CNTNAP2: variants seen among roughly 807,000 people sequenced by gnomAD.
The protein encoded by CNTNAP2 is contactin-associated protein-like 2.
Under a neutral mutation model 155.2 loss-of-function variants are expected in CNTNAP2, and 98 were observed. The ratio of observed to expected loss-of-function variants is 0.63; its 90% CI spans 0.54 to 0.75. The LOEUF is 0.75. Ranked by LOEUF, CNTNAP2 falls within the 30% of genes least tolerant of loss-of-function variation. CNTNAP2 has a pLI of 0.00. For missense variants in CNTNAP2, 1,727 were observed against 1,688.1 expected (o/e 1.02, Z -0.40); for synonymous variants, 651 against 631.2 (o/e 1.03, Z -0.47).
intron 10 of CNTNAP2, among the ~76,000 whole-genome samples, chr7:147,454,385 G>A (rs1044423173): frequency 2.0e-5 from 3 of 152,042 alleles, no homozygotes; most frequent in African/African-American, 7.2e-5. Context: ...ATTCATACAA[G>A]ACTTTGCTCT....
chr7:147,775,892 G>A (rs1797576626), intron 13 of CNTNAP2, among the ~76,000 whole-genome samples: 1 of 152,144 alleles, frequency 6.6e-6, no homozygotes, highest in South Asian at 2.1e-4. Context: ...TGACTTAGGG[G>A]AATAAGAAGC....
At chr7:146,959,713 C>CAAAA (rs1176908836) in intron 3 of CNTNAP2, among the ~76,000 whole-genome samples, 29 of 90,168 alleles carry the variant, frequency 3.2e-4, no homozygotes, top group East Asian at 9.4e-4. Flanking sequence ...CAGCGAGTCT[C>CAAAA]AAAAAAAAAA....
chr7:146,734,384 T>A (rs896098651), intron 1 of CNTNAP2, among the ~76,000 whole-genome samples: 2 of 152,088 alleles, frequency 1.3e-5, no homozygotes, highest in Non-Finnish European at 2.9e-5. Flanking sequence ...ATGCACAGAA[T>A]TTAGTATAAA....
chr7:147,162,116 C>A (rs1266644939), intron 8 of CNTNAP2: 1 of 152,096 alleles, frequency 6.6e-6, no homozygotes, highest in Non-Finnish European at 1.5e-5. Context: ...TTTGCACACT[C>A]ACAAATATTC....
At chr7:146,301,069 A>G (rs1405563141) in intron 1 of CNTNAP2, among the ~76,000 whole-genome samples, 1 of 152,114 alleles carries the variant, frequency 6.6e-6, no homozygotes, top group Non-Finnish European at 1.5e-5. Flanking sequence ...AAGAGACCAT[A>G]CTTCAGTGGA....
intron 13 of CNTNAP2, among the ~76,000 whole-genome samples, chr7:147,852,103 G>A (rs1022062061): frequency 6.6e-6 from 1 of 152,158 alleles, no homozygotes; most frequent in Non-Finnish European, 1.5e-5. Flanking sequence ...ACTCCAGTGT[G>A]AAGAGAGGTA....
At chr7:146,666,032 T>A (rs13227236) in intron 1 of CNTNAP2, among the ~76,000 whole-genome samples, 1 of 151,650 alleles carries the variant, frequency 6.6e-6, no homozygotes, top group African/African-American at 2.4e-5. Context: ...TTTGAAACTA[T>A]AAAGTATATG....
chr7:146,878,591 C>T (rs532080845), intron 3 of CNTNAP2, among the ~76,000 whole-genome samples: 61 of 152,212 alleles, frequency 4.0e-4, no homozygotes, highest in African/African-American at 1.4e-3. Flanking sequence ...ACTAGTTTAA[C>T]TTCACTCTCT....
intron 4 of CNTNAP2, among the ~76,000 whole-genome samples, chr7:147,076,316 A>C (rs1025799764): frequency 6.6e-6 from 1 of 152,052 alleles, no homozygotes; most frequent in East Asian, 1.9e-4. Context: ...TTGTTAATGA[A>C]CACCATTCTA....
rs1798915277 is a variant in CNTNAP2 at position 147,506,840 on chromosome 7, T to C, written c.1777+20799T>C. Among the ~76,000 whole-genome samples, 3 of 152,140 alleles carry C rather than the reference T, an allele frequency of 2.0e-5. No homozygotes were observed. The South Asian group carries it at 6.2e-4, about 31-fold the overall frequency. ...TGCTCTCTTTACGTCTCCAAATTAC[T>C]CAGCTGTTTCTTCCTTCCTGTGATA... On this transcript the variant is annotated intron_variant, in intron 11 of 23. Transcript: ENST00000361727.
chr7:148,308,859 G>A (rs1563035604), intron 21 of CNTNAP2, among the ~76,000 whole-genome samples: 1 of 151,936 alleles, frequency 6.6e-6, no homozygotes, highest in Non-Finnish European at 1.5e-5. Context: ...AGTTTGCTGA[G>A]AATGATGGTT....
At chr7:146,919,244 G>T (rs374696204) in intron 3 of CNTNAP2, among the ~76,000 whole-genome samples, 1 of 152,088 alleles carries the variant, frequency 6.6e-6, no homozygotes, top group Non-Finnish European at 1.5e-5. Context: ...ATCGTTTGAG[G>T]GTGTTAAAGA....
chr7:146,409,766 C>G (rs540452425), intron 1 of CNTNAP2, among the ~76,000 whole-genome samples: 1 of 152,112 alleles, frequency 6.6e-6, no homozygotes, highest in African/African-American at 2.4e-5. Flanking sequence ...AAGCCAAAAA[C>G]CTTTACAAAA....
chr7:147,463,420 T>C (rs901279992), intron 10 of CNTNAP2, among the ~76,000 whole-genome samples: 6 of 152,328 alleles, frequency 3.9e-5, no homozygotes, highest in Admixed American at 2.0e-4. Context: ...ACACATTTAT[T>C]GAGCTTCTAC....
chr7:146,724,657 G>A (rs567915672), intron 1 of CNTNAP2, among the ~76,000 whole-genome samples: 3 of 134,946 alleles, frequency 2.2e-5, no homozygotes, highest in South Asian at 5.0e-4. Context: ...CGCAACCTCC[G>A]ACTCCGTGGT....
intron 8 of CNTNAP2, among the ~76,000 whole-genome samples, chr7:147,215,741 T>C (rs1563119656): frequency 6.6e-6 from 1 of 152,188 alleles, no homozygotes; most frequent in Non-Finnish European, 1.5e-5. Context: ...CATAAGAGTA[T>C]GTTTAATTTT....
chr7:146,665,790 A>ACAAAAAAAC (rs1399996065), intron 1 of CNTNAP2, among the ~76,000 whole-genome samples: 1 of 147,800 alleles, frequency 6.8e-6, no homozygotes, highest in Admixed American at 6.7e-5. Flanking sequence ...CATTAAAAAA[A>ACAAAAAAAC]AAAAAAAATA....
intron 4 of CNTNAP2, among the ~76,000 whole-genome samples, chr7:147,058,365 T>C (rs1343190822): frequency 6.6e-6 from 1 of 152,210 alleles, no homozygotes; most frequent in Admixed American, 6.5e-5. Flanking sequence ...TATTCTATTA[T>C]AGATATAGTA....
At chr7:147,508,125 T>G (rs1226468804) in intron 11 of CNTNAP2, among the ~76,000 whole-genome samples, 1 of 152,186 alleles carries the variant, frequency 6.6e-6, no homozygotes, top group African/African-American at 2.4e-5. Flanking sequence ...GCTGGGCCCA[T>G]TAAATGTCCT....
Sources: allele counts gnomAD v4.1 joint callset (sites outside exome capture counted in the v4.1 genomes callset), GRCh38; gene constraint gnomAD v4.1.1; transcripts MANE v1.5; gene names NCBI Gene and HGNC (gene_info 2026-07-23, HGNC 2026-07-21).